The following SMOC2 variants were observed in gnomAD, a reference collection of about 807,000 sequenced individuals.
SMOC2 encodes SPARC related modular calcium binding 2.
In SMOC2, 39 loss-of-function variants were observed where a neutral mutation model predicts 61.4. The ratio of observed to expected loss-of-function variants is 0.64; its 90% CI spans 0.49 to 0.83. The LOEUF (loss-of-function observed/expected upper bound fraction) is 0.83, where lower values mean the gene tolerates loss of function less well. Among genes scored for constraint, SMOC2 ranks in the 40% least tolerant of loss-of-function variants. SMOC2 has a pLI of 0.00. For missense variants in SMOC2, 556 were observed against 592.9 expected, an observed-to-expected ratio of 0.94 and a Z score of 0.65; for synonymous variants, 247 against 239.9, an observed-to-expected ratio of 1.03 and a Z score of -0.27.
intron 9 of SMOC2, among the ~76,000 whole-genome samples, chr6:168,641,049 A>C (rs1361908331): frequency 2.8e-5 from 4 of 145,230 alleles, no homozygotes; most frequent in African/African-American, 1.0e-4. Flanking sequence ...GAAATGTTCC[A>C]AACTTTTTTT....
At chr6:168,487,307 T>G (rs1782359022) in intron 1 of SMOC2, among the ~76,000 whole-genome samples, 1 of 152,164 alleles carries the variant, frequency 6.6e-6, no homozygotes, top group Admixed American at 6.5e-5. Context: ...CATATTTGGC[T>G]TATGAATTAG....
chr6:168,464,565 A>T (rs988340086), intron 1 of SMOC2, among the ~76,000 whole-genome samples: 52 of 149,782 alleles, frequency 3.5e-4, no homozygotes, highest in Admixed American at 3.3e-3. Flanking sequence ...TAGGATTTTC[A>T]TTTTTTTTTT....
chr6:168,639,116 A>G (rs1427333087), intron 9 of SMOC2, among the ~76,000 whole-genome samples: 1 of 152,230 alleles, frequency 6.6e-6, no homozygotes, highest in East Asian at 1.9e-4. Flanking sequence ...TGAAATTGTC[A>G]GCACTGAGCG....
chr6:168,470,615 T>A (rs1445761107), intron 1 of SMOC2, among the ~76,000 whole-genome samples: 1 of 152,088 alleles, frequency 6.6e-6, no homozygotes, highest in Non-Finnish European at 1.5e-5. Flanking sequence ...AGGCTGAGGT[T>A]GCAGTGAGCT....
chr6:168,547,010 G>T, intron 5 of SMOC2, 109 bp from the exon 6 acceptor site: 6 of 1,334,356 alleles, frequency 4.5e-6, no homozygotes, highest in African/African-American at 2.9e-5. Flanking sequence ...TGTTGTGGTT[G>T]ATCTGTGGGG....
chr6:168,522,434 A>G (rs1020250269), intron 2 of SMOC2, among the ~76,000 whole-genome samples: 3 of 152,264 alleles, frequency 2.0e-5, no homozygotes, highest in African/African-American at 7.2e-5. Context: ...AATAGCCAAA[A>G]GATCCTAAGT....
chr6:168,441,366 C>T lies in SMOC2; in HGVS notation c.-5C>T. 1.3e-6 allele frequency: 2 copies of T among 1,503,810 alleles called. No individual in the cohort carries two copies. The highest frequency in any genetic ancestry group is 2.8e-5 in the East Asian group (1 of 35,610). 93.2% of individuals were successfully genotyped at this position (1,503,810 alleles called of 1,614,324 possible). A position where few individuals can be genotyped will look rare whatever the true frequency, so the allele number is the denominator to read the frequency against. ...CGATCTCCCGCTCCCGCCACCTCCGCCACCATGCTGCTCCCCCAGCTCTGC... is the reference window on the plus strand; with the variant it reads ...CGATCTCCCGCTCCCGCCACCTCCGTCACCATGCTGCTCCCCCAGCTCTGC... On this transcript the variant is annotated 5_prime_UTR_variant, in exon 1 of 13. Transcript: ENST00000356284.
chr6:168,563,950 C>A (rs1465559354), intron 7 of SMOC2, among the ~76,000 whole-genome samples: 1 of 152,158 alleles, frequency 6.6e-6, no homozygotes, highest in Non-Finnish European at 1.5e-5. Context: ...CCTCATCTCA[C>A]CTCTAGTCCT....
At chr6:168,532,959 A>G (rs9456162) in intron 4 of SMOC2, among the ~76,000 whole-genome samples, 30,242 of 152,156 alleles carry the variant, frequency 0.2, 3,280 homozygotes, top group African/African-American at 0.26. Context: ...GGAAGAAGAC[A>G]TCTGTTTCTT....
intron 9 of SMOC2, among the ~76,000 whole-genome samples, chr6:168,633,519 G>T (rs1230276196): frequency 6.6e-6 from 1 of 152,188 alleles, no homozygotes; most frequent in Non-Finnish European, 1.5e-5. Flanking sequence ...TGTAAAGAAA[G>T]AGGAAAATAA....
At chr6:168,614,691 C>T (rs1786009373) in intron 9 of SMOC2, among the ~76,000 whole-genome samples, 5 of 86,388 alleles carry the variant, frequency 5.8e-5, no homozygotes, top group Admixed American at 2.7e-4. Flanking sequence ...AGCACAGGGC[C>T]TCTTCACACC....
At chr6:168,527,042 G>A (rs1783471963) in intron 3 of SMOC2, among the ~76,000 whole-genome samples, 2 of 152,348 alleles carry the variant, frequency 1.3e-5, no homozygotes, top group South Asian at 2.1e-4. Context: ...CACAGGGGCA[G>A]AAAGAGCAGA....
chr6:168,547,249 C>T, intron 6 of SMOC2, 80 bp downstream of exon 6: 3 of 1,280,856 alleles, frequency 2.3e-6, no homozygotes, highest in East Asian at 2.3e-5. Context: ...TGGAGCGAGT[C>T]ATCTTGTTAG....
At chr6:168,652,237 T>G (rs1787213881) in intron 10 of SMOC2, among the ~76,000 whole-genome samples, 1 of 152,068 alleles carries the variant, frequency 6.6e-6, no homozygotes, top group South Asian at 2.1e-4. Context: ...AGTAAATGGA[T>G]TGTTATCTGA....
At chr6:168,529,517 T>C (rs1783536139) in intron 4 of SMOC2, among the ~76,000 whole-genome samples, 1 of 152,190 alleles carries the variant, frequency 6.6e-6, no homozygotes, top group Admixed American at 6.5e-5. Flanking sequence ...ATTCCGCAGG[T>C]CTACAGAGTT....
At chr6:168,446,452 A>T (rs1781334910) in intron 1 of SMOC2, among the ~76,000 whole-genome samples, 1 of 152,254 alleles carries the variant, frequency 6.6e-6, no homozygotes, top group Non-Finnish European at 1.5e-5. Context: ...TTGAAGTTAG[A>T]GGAGAAAATT....
At chr6:168,608,619 C>T (rs190596364) in intron 9 of SMOC2, among the ~76,000 whole-genome samples, 218 of 152,284 alleles carry the variant, frequency 1.4e-3, no homozygotes, top group African/African-American at 5.1e-3. Context: ...ATTCCTTTTT[C>T]ACTGAATCAA....
At chr6:168,464,316 C>T (rs1781781917) in intron 1 of SMOC2, among the ~76,000 whole-genome samples, 1 of 151,902 alleles carries the variant, frequency 6.6e-6, no homozygotes, top group Non-Finnish European at 1.5e-5. Flanking sequence ...GGAAGGAAAT[C>T]TCCTTCCACT....
At chr6:168,626,567 C>G (rs896811552) in intron 9 of SMOC2, among the ~76,000 whole-genome samples, 1 of 152,232 alleles carries the variant, frequency 6.6e-6, no homozygotes, top group Non-Finnish European at 1.5e-5. Context: ...CTGCTACAGC[C>G]TGTGTCTCCT....
Sources: gnomAD v4.1 joint callset for allele counts (sites outside exome capture counted in the v4.1 genomes callset) on GRCh38, gnomAD v4.1.1 for gene constraint, MANE v1.5 for transcripts, NCBI Gene and HGNC (gene_info 2026-07-23, HGNC 2026-07-21) for gene names.